The following ABHD2 variants were observed in gnomAD, a reference collection of about 807,000 sequenced individuals.
The protein encoded by ABHD2 is abhydrolase domain containing 2, acylglycerol lipase.
Under a neutral mutation model 48.1 loss-of-function variants are expected in ABHD2, and 20 were observed. The observed-to-expected ratio is 0.42, with a 90% CI of 0.29 to 0.60. The LOEUF is 0.60. Among genes scored for constraint, ABHD2 ranks in the 20% least tolerant of loss-of-function variants. The pLI is 0.24. For missense variants in ABHD2, 405 were observed against 550.9 expected, an observed-to-expected ratio of 0.74 and a Z score of 2.65; for synonymous variants, 209 against 214.2, an observed-to-expected ratio of 0.98 and a Z score of 0.21.
At chr15:89,082,697 A>G (rs951629487), upstream of ABHD2, 1 of 152,200 alleles carries the variant, frequency 6.6e-6, no homozygotes, top group Non-Finnish European at 1.5e-5. The surrounding 1 kb of genome is among the most constrained non-coding windows in gnomAD (Gnocchi z 4.4). Flanking sequence ...CATTTGTCCT[A>G]TATCCATCCC....
intron 3 of ABHD2, among the ~76,000 whole-genome samples, chr15:89,127,729 A>ATATATATATATATATATATATATATG (rs2050157478): frequency 6.9e-6 from 1 of 144,696 alleles, no homozygotes; most frequent in African/African-American, 2.6e-5. Context: ...ACACATATAT[A>ATATATATATATATATATATATATATG]TATATATATA....
chr15:89,179,863 C>A lies in ABHD2; in HGVS notation c.722+3868C>A, dbSNP rs774244891. ...ACCTGACCTCCTTGGTTCAGGTAAA[C>A]CTGAACATCCTAGCATTCTTTGAGC... On this transcript the variant is annotated intron_variant, in intron 6 of 10. Coordinates refer to ENST00000352732, the MANE Select transcript of ABHD2 (RefSeq NM_152924.5). The surrounding 1 kb of genome is among the most constrained non-coding windows in gnomAD (Gnocchi z 4.3). Among the ~76,000 whole-genome samples the A allele has an allele frequency of 6.6e-6, 1 of 152,162 alleles. No homozygotes were observed. Among genetic ancestry groups the A allele is most frequent in the Non-Finnish European group, 1.5e-5 (1 of 68,018 alleles).
chr15:89,158,472 A>G (rs2050709890), intron 5 of ABHD2, among the ~76,000 whole-genome samples: 1 of 152,120 alleles, frequency 6.6e-6, no homozygotes, highest in African/African-American at 2.4e-5. Context: ...AGCAGAGAAG[A>G]ATAGGTTAAG....
intron 1 of ABHD2, among the ~76,000 whole-genome samples, chr15:89,111,185 T>C (rs544182910): frequency 6.6e-6 from 1 of 152,336 alleles, no homozygotes; most frequent in South Asian, 2.1e-4. Context: ...AATTTCTCCT[T>C]AGATTTTCTT....
intron 3 of ABHD2, among the ~76,000 whole-genome samples, chr15:89,135,143 C>CTTTTCTTT (rs1555429068): frequency 0.16 from 18,120 of 111,374 alleles, 1,358 homozygotes; most frequent in East Asian, 0.23. Context: ...ACAACTTTTT[C>CTTTTCTTT]TTTTTTTTTT....
chr15:89,171,521 A>C (rs1334763547), intron 5 of ABHD2, among the ~76,000 whole-genome samples: 1 of 152,170 alleles, frequency 6.6e-6, no homozygotes, highest in Non-Finnish European at 1.5e-5. Flanking sequence ...AAAGGCATTT[A>C]AATTTTCTGT....
chr15:89,054,786 A>G, the ABHD2 span, among the ~76,000 whole-genome samples: 145 of 152,284 alleles, frequency 9.5e-4, 1 homozygote, highest in Middle Eastern at 3.4e-3. Flanking sequence ...TTCTCTGCAT[A>G]TATTTTTATA....
rs1003362743 is a variant in ABHD2, at chr15:89,166,408, G to C, written c.539-9404G>C. Among the ~76,000 whole-genome samples the C allele has an allele frequency of 4.6e-5, 7 of 152,194 alleles. 1 individual carries two copies. In the South Asian group the frequency reaches 1.4e-3, roughly 32 times the overall value. On this transcript the variant is annotated intron_variant, in intron 5 of 10. Coordinates refer to ENST00000352732, the MANE Select transcript of ABHD2 (RefSeq NM_152924.5). The surrounding 1 kb of genome is among the most constrained non-coding windows in gnomAD (Gnocchi z 4.6). ...TAGACATCAAGCTGTGAGGAAGTAC[G>C]TGAAATCACAGCATTGAATTCTCTT...
At chr15:89,048,555 T>C in the ABHD2 span, among the ~76,000 whole-genome samples, 151,541 of 152,192 alleles carry the variant, frequency 1, 75,458 homozygotes, top group Non-Finnish European at 1. Flanking sequence ...TAGATTTGGT[T>C]TTTTCACATA....
the ABHD2 span, among the ~76,000 whole-genome samples, chr15:89,072,349 GC>G: frequency 0.16 from 24,597 of 151,806 alleles, 2,101 homozygotes; most frequent in Middle Eastern, 0.23. Flanking sequence ...GGTGGTGGGG[GC>G]CTGTAGTCCC....
rs1413563524 is a variant in ABHD2, at chr15:89,114,124, C to A, written c.-7+300C>A. Among the ~76,000 whole-genome samples the A allele has an allele frequency of 6.6e-6, 1 of 152,182 alleles. No homozygotes were observed. The highest frequency in any genetic ancestry group is 1.5e-5 in the Non-Finnish European group (1 of 68,040). ...AAAAGCCTATATTAACAAGCTGCAT[C>A]ATCTTGGACATTTGTTTAGCCTTTG... On this transcript the variant is annotated intron_variant, in intron 2 of 10. Coordinates refer to ENST00000352732, the MANE Select transcript of ABHD2 (RefSeq NM_152924.5). The surrounding 1 kb of genome is among the most constrained non-coding windows in gnomAD (Gnocchi z 4.2).
At chr15:89,130,916 C>A (rs1430971164) in intron 3 of ABHD2, among the ~76,000 whole-genome samples, 1 of 152,184 alleles carries the variant, frequency 6.6e-6, no homozygotes, top group East Asian at 1.9e-4. Flanking sequence ...AGCAGCACAC[C>A]TGTGTCCAGA....
intron 1 of ABHD2, among the ~76,000 whole-genome samples, chr15:89,110,212 A>G (rs2049851506): frequency 6.6e-6 from 1 of 152,082 alleles, no homozygotes; most frequent in Non-Finnish European, 1.5e-5. Flanking sequence ...GGCACGTGCC[A>G]CCATACCTGG....
intron 3 of ABHD2, chr15:89,135,635 C>T: frequency 6.4e-7 from 1 of 1,553,114 alleles, no homozygotes; most frequent in Non-Finnish European, 8.7e-7. Context: ...TTGCTTTTTT[C>T]AGCCTTGACA....
the ABHD2 span, among the ~76,000 whole-genome samples, chr15:89,080,548 G>C: frequency 6.6e-6 from 1 of 152,108 alleles, no homozygotes; most frequent in Non-Finnish European, 1.5e-5. Flanking sequence ...CAAATTTAAT[G>C]TACAAGACAG....
chr15:89,046,644 G>C, the ABHD2 span, among the ~76,000 whole-genome samples: 3 of 152,086 alleles, frequency 2.0e-5, no homozygotes, highest in African/African-American at 7.2e-5. Context: ...ATGTGTCGAG[G>C]AATTTATCCA....
At chr15:89,060,387 G>T in the ABHD2 span, among the ~76,000 whole-genome samples, 2 of 145,678 alleles carry the variant, frequency 1.4e-5, no homozygotes, top group African/African-American at 5.1e-5. Context: ...CACCTCGCCC[G>T]GCCAGCCTTT....
chr15:89,046,904 T>A, the ABHD2 span, among the ~76,000 whole-genome samples: 2 of 152,100 alleles, frequency 1.3e-5, no homozygotes, highest in East Asian at 1.9e-4. Flanking sequence ...CCTTCAGTTC[T>A]GCTCTGATTT....
chr15:89,060,173 G>A, the ABHD2 span, among the ~76,000 whole-genome samples: 3 of 136,828 alleles, frequency 2.2e-5, no homozygotes, highest in Admixed American at 1.6e-4. Context: ...TCACTGCAAC[G>A]TCCATCTCCT....
Sources: gnomAD v4.1 joint callset for allele counts (sites outside exome capture counted in the v4.1 genomes callset) on GRCh38, gnomAD v4.1.1 for gene constraint, Gnocchi (gnomAD v3.1) non-coding constraint, MANE v1.5 for transcripts, NCBI Gene and HGNC (gene_info 2026-07-23, HGNC 2026-07-21) for gene names.